PNCK: variants seen among roughly 807,000 people sequenced by gnomAD.
The protein encoded by PNCK is pregnancy up-regulated nonubiquitous CaM kinase, also known as calcium/calmodulin-dependent protein kinase type 1B.
PNCK carries 21 observed loss-of-function variants against 28.3 expected under a neutral mutation model. The ratio of observed to expected loss-of-function variants is 0.74; its 90% CI spans 0.53 to 1.07. PNCK has a LOEUF of 1.07. Among genes scored for constraint, PNCK ranks in the 50% least tolerant of loss-of-function variants. PNCK has a pLI of 0.00. For missense variants in PNCK, 250 were observed against 298.3 expected (o/e 0.84, Z 1.19); for synonymous variants, 136 against 125.2 (o/e 1.09, Z -0.58).
intron 4 of PNCK, 43 bp from the exon 5 acceptor site, chrX:153,672,061 G>A (rs782580054): frequency 5.7e-5 from 68 of 1,201,454 alleles, no homozygotes; most frequent in Middle Eastern, 4.7e-4. Context: ...ACTCAGCCTG[G>A]CCTTCAGCCC....
upstream of PNCK, chrX:153,674,390 A>T: frequency 2.5e-6 from 1 of 396,982 alleles, no homozygotes; most frequent in Non-Finnish European, 4.0e-6. Flanking sequence ...GGGCGGCCTA[A>T]CGACTGCCCT....
chrX:153,672,018 C>T lies in PNCK; in HGVS notation c.276G>A (p.Leu92=). 8.3e-7 allele frequency: 1 copy of T among 1,209,898 alleles called. No homozygotes were observed. The highest frequency in any genetic ancestry group is 1.1e-6 in the Non-Finnish European group (1 of 894,348). Residue 92 remains leucine (L), a splice_region_variant and synonymous_variant, in exon 5 of 12, where the codon CTG becomes CTA. Coordinates refer to ENST00000340888, the MANE Select transcript of PNCK (RefSeq NM_001366977.1). Reference sequence around the variant, plus strand: ...GGTCAAACAGCTCGCCACCCGTCACCCTGGGGGTGCCAGGGGTTTGGCTGA... The same window carrying T: ...GGTCAAACAGCTCGCCACCCGTCACTCTGGGGGTGCCAGGGGTTTGGCTGA... The part of the protein sequence containing the change: ...SPSHLYLAME[L]VTGGELFDRI...
At chrX:153,679,655 T>TC (rs2091386519), upstream of PNCK, among the ~76,000 whole-genome samples, 1 of 94,528 alleles carries the variant, frequency 1.1e-5, no homozygotes, top group African/African-American at 3.9e-5. Context: ...CACTGCAACC[T>TC]CTGCCTCCTG....
chrX:153,674,132 C>T (rs782649772), upstream of PNCK: 4 of 1,210,029 alleles, frequency 3.3e-6, no homozygotes, highest in South Asian at 3.5e-5. Flanking sequence ...ACCGCCTCTC[C>T]GAGGACAGGC....
intron 6 of PNCK, 61 bp downstream of exon 6, chrX:153,671,488 G>A (rs1448871060): frequency 2.2e-5 from 27 of 1,208,760 alleles, no homozygotes; most frequent in African/African-American, 7.0e-5. Flanking sequence ...CAGCCTTCCC[G>A]GCTGTCTAGG....
At chrX:153,684,167 T>C (rs2091407093) in intron 1 of PNCK, among the ~76,000 whole-genome samples, 1 of 112,119 alleles carries the variant, frequency 8.9e-6, no homozygotes, top group Admixed American at 9.4e-5. Context: ...CAAAAACAGT[T>C]TGGAGGGTAA....
intron 1 of PNCK, 120 bp downstream of exon 1, chrX:153,673,660 G>T: frequency 2.5e-6 from 1 of 392,817 alleles, no homozygotes; most frequent in Non-Finnish European, 3.2e-6. Context: ...GAGCGCGTGC[G>T]GGCAGGGGGC....
chrX:153,682,278 C>G lies in PNCK; in HGVS notation c.-3+5153G>C, dbSNP rs576259740. On this transcript the variant is annotated intron_variant, in intron 1 of 3. Coordinates refer to the PNCK transcript ENST00000419804. ...TGCTGGGATTACAGGTGTGGGCCAC[C>G]GCACCGGCCTGTTTTGTTTTGAGGC... Among the ~76,000 whole-genome samples the G allele has an allele frequency of 1.5e-4, 16 of 109,503 alleles. No homozygotes were observed. The South Asian group carries it at 2.0e-3, about 14-fold the overall frequency.
Position 153,671,993 on chromosome X carries a change from G to A in PNCK, c.301C>T (p.Arg101Cys), listed in dbSNP as rs199567613. ...GTGTAGGAGCCGCGCTCCATGATGC[G>A]GTCAAACAGCTCGCCACCCGTCACC... ...ELVTGGELFD[R>C]IMERGSYTEK... Residue 101 changes from arginine (R) to cysteine (C), a missense_variant, in exon 5 of 12, where the codon CGC (arginine) becomes TGC (cysteine). Physicochemically the swap from Arg to Cys is radical, Grantham distance 180. Coordinates refer to ENST00000340888, the MANE Select transcript of PNCK (RefSeq NM_001366977.1). 8.3e-6 allele frequency: 10 copies of A among 1,209,540 alleles called. No homozygotes were observed. Among genetic ancestry groups the A allele is most frequent in the African/African-American group, 3.5e-5 (2 of 57,318 alleles).
At chrX:153,673,635 CG>C (rs2091341876) in intron 1 of PNCK, 144 bp downstream of exon 1, 1 of 322,535 alleles carries the variant, frequency 3.1e-6, no homozygotes, top group Admixed American at 8.9e-5. Context: ...GCCCGCGTCC[CG>C]AGCTGCGTGG....
chrX:153,674,526 T>G (rs1307094589), upstream of PNCK: 5 of 163,022 alleles, frequency 3.1e-5, no homozygotes, highest in East Asian at 6.3e-4. Flanking sequence ...CCATCAGATC[T>G]CGGCTCAAAT....
chrX:153,679,634 C>A (rs1470460970), upstream of PNCK, among the ~76,000 whole-genome samples: 1 of 89,920 alleles, frequency 1.1e-5, no homozygotes, highest in African/African-American at 4.4e-5. Context: ...TGCAGTGGTG[C>A]AATCTCAGCT....
Position 153,671,116 on chromosome X carries a change from T to A in PNCK, c.689A>T (p.Glu230Val), listed in dbSNP as rs781849317. The A allele has an allele frequency of 2.5e-6, 3 of 1,209,985 alleles. No individual in the cohort carries two copies. The South Asian group carries it at 5.3e-5, about 21-fold the overall frequency. ...LFSQILRASYEFDSPFWDDIS... is the reference protein window; with the variant it reads ...LFSQILRASYVFDSPFWDDIS... ...GTCATCCCAGAAAGGAGAGTCAAACTCATAGCTGGCCCTCAGGATCTGGCT... is the reference window on the plus strand; with the variant it reads ...GTCATCCCAGAAAGGAGAGTCAAACACATAGCTGGCCCTCAGGATCTGGCT... Residue 230 changes from glutamate (E) to valine (V), a missense_variant, in exon 8 of 12, where the codon GAG becomes GTG. Glu to Val is a moderately radical substitution (Grantham distance 121). Coordinates refer to ENST00000340888, the MANE Select transcript of PNCK (RefSeq NM_001366977.1).
upstream of PNCK, chrX:153,673,975 G>T: frequency 1.7e-6 from 2 of 1,152,059 alleles, no homozygotes; most frequent in South Asian, 1.9e-5. Flanking sequence ...GGCCGCCACC[G>T]CCCAGCCCAC....
chrX:153,672,688 GA>G lies in PNCK; in HGVS notation c.77del (p.Phe26SerfsTer68). Reference protein sequence around the residue: ...EIRERLGSGAFSEVVLAQERG... With the variant: ...EIRERLGSGAXSEVVLAQERG... Reference sequence around the variant, plus strand: ...GCTCCTGGGCCAGCACCACCTCGGAGAAGGCACCCCTGCCGCAGACGGGGCG... The same window carrying G: ...GCTCCTGGGCCAGCACCACCTCGGAGAGGCACCCCTGCCGCAGACGGGGCG... On this transcript the variant is annotated frameshift_variant, in exon 3 of 12. Coordinates refer to ENST00000340888, the MANE Select transcript of PNCK (RefSeq NM_001366977.1). LOFTEE classifies it high-confidence loss of function. 8.3e-7 allele frequency: 1 copy of G among 1,199,328 alleles called. No homozygotes were observed.
chrX:153,687,159 G>C (rs1262340278), intron 1 of PNCK: 5 of 171,949 alleles, frequency 2.9e-5, no homozygotes, highest in Admixed American at 1.5e-4. Context: ...GAGGAACACG[G>C]GGTGGGTGGG....
intron 2 of PNCK, 93 bp from the exon 3 acceptor site, chrX:153,672,790 AAGG>A (rs781955928): frequency 3.8e-6 from 4 of 1,043,659 alleles, no homozygotes; most frequent in Non-Finnish European, 5.1e-6. Flanking sequence ...GCCCCCTGTG[AAGG>A]AGATGGGGAG....
At chrX:153,686,082 A>G (rs1557043118) in intron 1 of PNCK, among the ~76,000 whole-genome samples, 1 of 111,951 alleles carries the variant, frequency 8.9e-6, no homozygotes, top group Non-Finnish European at 1.9e-5. Context: ...AGTGGCAGCC[A>G]TTCTGGACAG....
At chrX:153,679,254 A>G (rs186445890), upstream of PNCK, among the ~76,000 whole-genome samples, 12 of 110,764 alleles carry the variant, frequency 1.1e-4, no homozygotes, top group African/African-American at 3.3e-4. Context: ...AGGAACTGCC[A>G]ACCGCTTTTC....
Sources: allele counts gnomAD v4.1 joint callset (sites outside exome capture counted in the v4.1 genomes callset), GRCh38; gene constraint gnomAD v4.1.1; transcripts MANE v1.5; gene names NCBI Gene and HGNC (gene_info 2026-07-23, HGNC 2026-07-21).